Variants in FRMD4A observed in about 807,000 individuals in gnomAD.
The protein encoded by FRMD4A is FERM domain-containing protein 4A.
In FRMD4A, 29 loss-of-function variants were observed where a neutral mutation model predicts 129.1. That is an observed-to-expected ratio of 0.22 (90% CI 0.17 to 0.31). The LOEUF (loss-of-function observed/expected upper bound fraction) is 0.31. Among genes scored for constraint, FRMD4A ranks in the 10% least tolerant of loss-of-function variants. The probability of loss-of-function intolerance (pLI) is 1.00; values close to 1 mark genes in which losing one functional copy is unlikely to be tolerated. For missense variants in FRMD4A, 1,272 were observed against 1,375.8 expected, an observed-to-expected ratio of 0.92 and a Z score of 1.19; for synonymous variants, 634 against 571.6, an observed-to-expected ratio of 1.11 and a Z score of -1.56.
intron 2 of FRMD4A, among the ~76,000 whole-genome samples, chr10:13,871,696 G>A (rs1212533690): frequency 6.6e-6 from 1 of 152,222 alleles, no homozygotes; most frequent in Non-Finnish European, 1.5e-5. Flanking sequence ...GGGCACGGGG[G>A]ACAGCCAGGG....
rs749577092 is a variant in FRMD4A, at chr10:14,220,811, TTTGTG to T, written c.45+109242_45+109246del. 1.0e-3 allele frequency among the ~76,000 whole-genome samples: 113 copies of T among 112,626 alleles called. No individual in the cohort carries two copies. The Middle Eastern group carries it at 0.014, about 14-fold the overall frequency. The allele number at this position is 112,626 out of a possible 152,430, so 73.9% of individuals were successfully genotyped here. On this transcript the variant is annotated intron_variant, in intron 2 of 24. Transcript: ENST00000357447. The stretch of plus-strand genomic sequence containing the variant: ...GTGTGTGTGTGTGTGTGTGTGTGTG[TTTGTG>T]TGTGTGTGTGTGTGTGTGTGTGTTT...
intron 2 of FRMD4A, chr10:14,327,109 C>T (rs1843309007): frequency 2.5e-6 from 1 of 396,814 alleles, no homozygotes; most frequent in Non-Finnish European, 4.4e-6. Context: ...CGCAACCCAG[C>T]CCTAGCTTGA....
intron 6 of FRMD4A, among the ~76,000 whole-genome samples, chr10:13,767,168 G>A (rs1028655440): frequency 1.3e-5 from 2 of 152,138 alleles, no homozygotes; most frequent in South Asian, 4.2e-4. Context: ...GCAGAAATGT[G>A]CTCCCATATG....
At chr10:14,269,230 G>T (rs1845078611) in intron 2 of FRMD4A, among the ~76,000 whole-genome samples, 1 of 152,202 alleles carries the variant, frequency 6.6e-6, no homozygotes, top group African/African-American at 2.4e-5. Context: ...AACAGCAACT[G>T]TAGCATAGGT....
At chr10:13,959,618 G>A (rs1034822609) in intron 2 of FRMD4A, among the ~76,000 whole-genome samples, 1 of 151,734 alleles carries the variant, frequency 6.6e-6, no homozygotes, top group South Asian at 2.1e-4. Context: ...TGACAGCTGA[G>A]CTCGTTGTTT....
At chr10:14,287,747 C>G (rs1366525273) in intron 2 of FRMD4A, among the ~76,000 whole-genome samples, 3 of 152,186 alleles carry the variant, frequency 2.0e-5, no homozygotes, top group African/African-American at 7.2e-5. Flanking sequence ...ACTCACCACT[C>G]ACCCTACTGA....
At chr10:14,008,614 C>T (rs994084476) in intron 2 of FRMD4A, 7 of 502,934 alleles carry the variant, frequency 1.4e-5, no homozygotes, top group Non-Finnish European at 1.8e-5. Context: ...GCCCCTCGGC[C>T]GTACAGTAGG....
At chr10:13,863,178 C>T (rs2094317630) in intron 2 of FRMD4A, among the ~76,000 whole-genome samples, 1 of 152,128 alleles carries the variant, frequency 6.6e-6, no homozygotes. Context: ...GAAGTGTCTG[C>T]CCCAATTTAT....
intron 2 of FRMD4A, among the ~76,000 whole-genome samples, chr10:13,983,294 G>T (rs1355997247): frequency 6.6e-6 from 1 of 152,066 alleles, no homozygotes; most frequent in Non-Finnish European, 1.5e-5. Flanking sequence ...ATAAAGCAAA[G>T]TTCATCCTCC....
chr10:13,999,926 T>C (rs2095635872), intron 2 of FRMD4A, among the ~76,000 whole-genome samples: 1 of 152,222 alleles, frequency 6.6e-6, no homozygotes, highest in Non-Finnish European at 1.5e-5. Context: ...AAGGCTTGAG[T>C]TTATAACCAC....
chr10:14,158,607 C>A (rs940228313), intron 2 of FRMD4A, among the ~76,000 whole-genome samples: 1 of 150,038 alleles, frequency 6.7e-6, no homozygotes, highest in Non-Finnish European at 1.5e-5. Flanking sequence ...CAGAGTGAGA[C>A]CCCATCTCAA....
At chr10:14,205,398 T>A (rs1369835341) in intron 2 of FRMD4A, among the ~76,000 whole-genome samples, 2 of 152,116 alleles carry the variant, frequency 1.3e-5, no homozygotes, top group Admixed American at 6.5e-5. Flanking sequence ...TTTAAGTGTA[T>A]TCCTAGGAGT....
Position 13,689,198 on chromosome 10 carries a change from CGG to C in FRMD4A, c.1117+4698_1117+4699del, listed in dbSNP as rs61670615. Among the ~76,000 whole-genome samples, 11 of 68,066 alleles carry C rather than the reference CGG, an allele frequency of 1.6e-4. 1 individual carries two copies. The Admixed American group carries it at 1.8e-3, about 11-fold the overall frequency. 44.7% of individuals were successfully genotyped at this position (68,066 alleles called of 152,430 possible). On this transcript the variant is annotated intron_variant, in intron 15 of 24. Transcript: ENST00000357447. ...CAATGAGCAGTACACAAACTCTTTGCGGGGGGGGGGGGGGGGGGGGGGAGGGC... is the reference window on the plus strand; with the variant it reads ...CAATGAGCAGTACACAAACTCTTTGCGGGGGGGGGGGGGGGGGGGGAGGGC...
chr10:13,971,152 GCATA>G (rs1423461468), intron 2 of FRMD4A, among the ~76,000 whole-genome samples: 2 of 151,724 alleles, frequency 1.3e-5, no homozygotes, highest in Non-Finnish European at 2.9e-5. Flanking sequence ...ACACATGCAT[GCATA>G]CTCACAGGCA....
chr10:14,014,971 C>T, intron 2 of FRMD4A, among the ~76,000 whole-genome samples: 1 of 100,734 alleles, frequency 9.9e-6, no homozygotes, highest in African/African-American at 3.9e-5. Flanking sequence ...TCCTTCCCTC[C>T]CTCCCTTCCT....
chr10:14,233,367 C>T (rs1843697954), intron 2 of FRMD4A, among the ~76,000 whole-genome samples: 1 of 151,988 alleles, frequency 6.6e-6, no homozygotes, highest in African/African-American at 2.4e-5. Flanking sequence ...GTCAGGAGTT[C>T]AAGACCAGCC....
At chr10:13,709,015 T>G (rs2087749616) in intron 12 of FRMD4A, among the ~76,000 whole-genome samples, 1 of 152,044 alleles carries the variant, frequency 6.6e-6, no homozygotes, top group African/African-American at 2.4e-5. Flanking sequence ...CAGGCTGGAG[T>G]GCAGTGTCAC....
intron 15 of FRMD4A, among the ~76,000 whole-genome samples, chr10:13,679,858 T>C (rs2084380937): frequency 6.6e-6 from 1 of 151,674 alleles, no homozygotes; most frequent in Non-Finnish European, 1.5e-5. Flanking sequence ...GGTGGCCGAG[T>C]GCCCAGTGAC....
intron 2 of FRMD4A, among the ~76,000 whole-genome samples, chr10:14,054,174 A>G (rs944303446): frequency 3.3e-5 from 5 of 152,116 alleles, no homozygotes; most frequent in Non-Finnish European, 5.9e-5. Flanking sequence ...CTTAACAAAA[A>G]AGACCCCTGT....
Sources: gnomAD v4.1 joint callset for allele counts (sites outside exome capture counted in the v4.1 genomes callset) on GRCh38, gnomAD v4.1.1 for gene constraint, MANE v1.5 for transcripts, NCBI Gene and HGNC (gene_info 2026-07-23, HGNC 2026-07-21) for gene names.